The following CALN1 variants were observed in gnomAD, a reference collection of about 807,000 sequenced individuals.
CALN1 encodes the protein calcium-binding protein 8.
Under a neutral mutation model 30.6 loss-of-function variants are expected in CALN1, and 17 were observed. That is an observed-to-expected ratio of 0.56 (90% CI 0.38 to 0.83). CALN1 has a LOEUF of 0.83. Ranked by LOEUF, CALN1 falls within the 40% of genes least tolerant of loss-of-function variation. The pLI, the probability that CALN1 is intolerant of heterozygous loss-of-function variation, is 0.00. For synonymous variants in CALN1, 156 were observed against 131.4 expected (o/e 1.19, Z -1.28); for missense variants, 291 against 354.9 (o/e 0.82, Z 1.45).
intron 5 of CALN1, among the ~76,000 whole-genome samples, chr7:71,836,160 C>A (rs1032150977): frequency 6.6e-6 from 1 of 152,160 alleles, no homozygotes; most frequent in Non-Finnish European, 1.5e-5. Flanking sequence ...CCCAGCTGAG[C>A]CCAGCCTGGA....
chr7:72,061,798 A>C (rs1803671182), intron 4 of CALN1, among the ~76,000 whole-genome samples: 1 of 14,200 alleles, frequency 7.0e-5, no homozygotes. Context: ...CTCTGTCTCA[A>C]AAAAAAAAAA....
At chr7:72,165,128 C>T (rs1028852347) in intron 3 of CALN1, among the ~76,000 whole-genome samples, 1 of 152,128 alleles carries the variant, frequency 6.6e-6, no homozygotes, top group African/African-American at 2.4e-5. Flanking sequence ...AGATGTTTTA[C>T]CAAGATATAA....
At chr7:72,232,068 C>A (rs918683348) in intron 3 of CALN1, among the ~76,000 whole-genome samples, 1 of 151,978 alleles carries the variant, frequency 6.6e-6, no homozygotes, top group South Asian at 2.1e-4. Flanking sequence ...CAGGCTGGGG[C>A]CAAAGGAGAA....
chr7:72,289,372 T>C (rs1043918220), intron 2 of CALN1, among the ~76,000 whole-genome samples: 1 of 152,216 alleles, frequency 6.6e-6, no homozygotes, highest in Non-Finnish European at 1.5e-5. Flanking sequence ...TTTTCCAGAC[T>C]TTCTTGCTAC....
chr7:72,174,049 T>C (rs1240781579), intron 3 of CALN1, among the ~76,000 whole-genome samples: 1 of 151,938 alleles, frequency 6.6e-6, no homozygotes, highest in Non-Finnish European at 1.5e-5. Flanking sequence ...ACAAAGAACT[T>C]ATATCTAGTA....
intron 4 of CALN1, among the ~76,000 whole-genome samples, chr7:72,088,618 G>A (rs1005647859): frequency 2.7e-5 from 4 of 149,886 alleles, no homozygotes; most frequent in African/African-American, 7.4e-5. Flanking sequence ...AGAATCACTT[G>A]AACCCAGGAG....
chr7:71,790,214 G>A, intron 6 of CALN1, among the ~76,000 whole-genome samples: 1 of 149,000 alleles, frequency 6.7e-6, no homozygotes, highest in Non-Finnish European at 1.5e-5. Flanking sequence ...AAGAAAGAAA[G>A]AAAGGCAGGC....
At chr7:71,899,236 T>C (rs1793717921) in intron 5 of CALN1, among the ~76,000 whole-genome samples, 1 of 150,066 alleles carries the variant, frequency 6.7e-6, no homozygotes, top group East Asian at 2.0e-4. Flanking sequence ...CTCCACCTCC[T>C]GGGTTCAAGC....
At chr7:72,043,693 C>A (rs1271000362) in intron 4 of CALN1, among the ~76,000 whole-genome samples, 1 of 152,122 alleles carries the variant, frequency 6.6e-6, no homozygotes, top group African/African-American at 2.4e-5. Context: ...ATCGCTTGAG[C>A]CCAGGAGTTT....
At chr7:72,247,941 G>T (rs760044443) in intron 3 of CALN1, among the ~76,000 whole-genome samples, 1 of 152,170 alleles carries the variant, frequency 6.6e-6, no homozygotes, top group African/African-American at 2.4e-5. Context: ...AGGTTGCAGT[G>T]AGCTACAATC....
chr7:72,272,075 A>AT (rs1392685806), intron 3 of CALN1, among the ~76,000 whole-genome samples: 1 of 151,224 alleles, frequency 6.6e-6, no homozygotes, highest in Non-Finnish European at 1.5e-5. Flanking sequence ...AAAAAAAAAA[A>AT]AGTCATCTAG....
chr7:72,250,210 G>A (rs1795460752), intron 3 of CALN1, among the ~76,000 whole-genome samples: 1 of 152,124 alleles, frequency 6.6e-6, no homozygotes. Context: ...ATAAGCCTGG[G>A]ATCTAAATAA....
intron 5 of CALN1, among the ~76,000 whole-genome samples, chr7:71,950,842 C>T (rs941770816): frequency 6.6e-6 from 1 of 152,190 alleles, no homozygotes; most frequent in Non-Finnish European, 1.5e-5. Flanking sequence ...CTGCTCCCAC[C>T]TTAGGACTTT....
At chr7:71,943,796 A>G (rs17137589) in intron 5 of CALN1, among the ~76,000 whole-genome samples, 2,353 of 152,264 alleles carry the variant, frequency 0.015, 60 homozygotes, top group African/African-American at 0.052. Context: ...AATGTGTATA[A>G]AAGTGCTTGG....
At chr7:72,076,467 G>A (rs1479529391) in intron 4 of CALN1, among the ~76,000 whole-genome samples, 79 of 150,856 alleles carry the variant, frequency 5.2e-4, no homozygotes, top group African/African-American at 3.4e-4. Context: ...GTGTGGTGGC[G>A]CATGCCTGTA....
intron 2 of CALN1, among the ~76,000 whole-genome samples, chr7:72,367,610 G>C (rs1481250954): frequency 6.7e-6 from 1 of 148,518 alleles, no homozygotes; most frequent in Non-Finnish European, 1.5e-5. Context: ...GGATGGCAGA[G>C]CAAGACCCTG....
chr7:72,461,908 G>A, the CALN1 span, among the ~76,000 whole-genome samples: 3 of 151,976 alleles, frequency 2.0e-5, no homozygotes, highest in South Asian at 2.1e-4. Context: ...CTAGGGAGGC[G>A]GAGGCAGGAG....
intron 2 of CALN1, among the ~76,000 whole-genome samples, chr7:72,347,150 T>C (rs1468290089): frequency 6.6e-6 from 1 of 152,114 alleles, no homozygotes; most frequent in Non-Finnish European, 1.5e-5. Flanking sequence ...CAGGAAGTCC[T>C]ATAAACTCCG....
chr7:72,232,763 A>C (rs566454209), intron 3 of CALN1, among the ~76,000 whole-genome samples: 1 of 152,208 alleles, frequency 6.6e-6, no homozygotes, highest in Non-Finnish European at 1.5e-5. Context: ...CCTGGCTTAA[A>C]AAGTATTTTT....
Sources: allele counts gnomAD v4.1 joint callset (sites outside exome capture counted in the v4.1 genomes callset), GRCh38; gene constraint gnomAD v4.1.1; transcripts MANE v1.5; gene names NCBI Gene and HGNC (gene_info 2026-07-23, HGNC 2026-07-21).